The following MS4A15 variants were observed in gnomAD, a reference collection of about 807,000 sequenced individuals.
The protein encoded by MS4A15 is membrane-spanning 4-domains subfamily A member 15.
A neutral mutation model predicts 20.6 loss-of-function variants in MS4A15; 22 were observed. That is an observed-to-expected ratio of 1.07 (90% CI 0.76 to 1.52). The LOEUF (loss-of-function observed/expected upper bound fraction) is 1.52, where lower values mean the gene tolerates loss of function less well. Ranked by LOEUF, MS4A15 falls within the 40% of genes most tolerant of loss-of-function variation. MS4A15 has a pLI of 0.00. For missense variants in MS4A15, 312 were observed against 323.0 expected (o/e 0.97, Z 0.26); for synonymous variants, 129 against 129.3 (o/e 1.00, Z 0.02).
At chr11:60,767,722 G>T (rs1853921071) in intron 3 of MS4A15, 67 bp downstream of exon 3, 4 of 1,448,126 alleles carry the variant, frequency 2.8e-6, no homozygotes, top group Non-Finnish European at 3.6e-6. Context: ...TCCCCCACGC[G>T]CCCACCCCCA....
chr11:60,773,119 G>T (rs1481367392), intron 4 of MS4A15, among the ~76,000 whole-genome samples: 2 of 152,220 alleles, frequency 1.3e-5, no homozygotes, highest in African/African-American at 2.4e-5. Context: ...ACCCAGAAAG[G>T]CTGTAAAGGA....
In MS4A15 at chr11:60,767,603, A is replaced by T. The variant is rs568131810; in HGVS notation, c.296A>T (p.His99Leu). 19 of 1,558,212 alleles carry T rather than the reference A, an allele frequency of 1.2e-5. No individual in the cohort carries two copies. The South Asian group carries it at 2.3e-4, about 19-fold the overall frequency. ...GSVLLMVRRG[H>L]VGIFFIEGGV... ...GTGCTGCTCATGGTTCGCCGCGGCC[A>T]CGTGGGCATCTTCTTCATCGAGGGC... is the stretch of plus-strand genomic sequence containing the variant. The change falls in exon 3 of 7, where the codon CAC becomes CTC. Residue 99 changes from histidine to leucine, a missense_variant. Transcript: ENST00000405633.
chr11:60,768,591 A>C (rs1364991089), intron 3 of MS4A15, among the ~76,000 whole-genome samples: 2 of 152,176 alleles, frequency 1.3e-5, no homozygotes, highest in Non-Finnish European at 2.9e-5. Flanking sequence ...TCTCAGCTTC[A>C]CCGCATGTTA....
intron 4 of MS4A15, chr11:60,771,635 C>T (rs1035121513): frequency 4.1e-6 from 6 of 1,454,828 alleles, no homozygotes; most frequent in Middle Eastern, 1.8e-4. Context: ...CTGTAAGAGT[C>T]CTGCTGGGCC....
At position 60,763,830 on chromosome 11, in the gene MS4A15, A is replaced by G; in HGVS notation, c.97A>G (p.Met33Val). 6.2e-7 allele frequency: 1 copy of G among 1,612,646 alleles called. No individual in the cohort carries two copies. The highest frequency in any genetic ancestry group is 1.1e-5 in the South Asian group (1 of 91,008). Residue 33 changes from methionine to valine, a missense_variant, in exon 2 of 7, where the codon ATG becomes GTG. Physicochemically the swap from Met to Val is conservative, Grantham distance 21 (BLOSUM62 1). Coordinates refer to ENST00000405633, the MANE Select transcript of MS4A15 (RefSeq NM_001098835.2). ...CPPPAILPTS[M>V]CQPPGIMQFE... Reference sequence around the variant, plus strand: ...ACCTCCGGCCATTCTGCCCACATCCATGTGCCAACCTCCAGGGATTATGCA... The same window carrying G: ...ACCTCCGGCCATTCTGCCCACATCCGTGTGCCAACCTCCAGGGATTATGCA...
chr11:60,772,328 A>G (rs547664555), intron 4 of MS4A15, among the ~76,000 whole-genome samples: 35 of 152,214 alleles, frequency 2.3e-4, no homozygotes, highest in Non-Finnish European at 4.4e-4. Context: ...TTCAGCAGGG[A>G]ATTCCTTGCC....
intron 2 of MS4A15, among the ~76,000 whole-genome samples, chr11:60,764,670 G>A (rs1236373551): frequency 6.6e-6 from 1 of 152,216 alleles, no homozygotes. Context: ...CAGCACTTTG[G>A]GAGGCCGAGG....
At chr11:60,768,978 T>A (rs1480797960) in intron 3 of MS4A15, among the ~76,000 whole-genome samples, 1 of 152,150 alleles carries the variant, frequency 6.6e-6, no homozygotes, top group Non-Finnish European at 1.5e-5. Context: ...CACCTGGCCA[T>A]CCTTGGGGAC....
Position 60,771,308 on chromosome 11 carries a change from C to T in MS4A15, c.366C>T (p.Ser122=), listed in dbSNP as rs543971195. The T allele has an allele frequency of 6.2e-7, 1 of 1,614,114 alleles. No individual in the cohort carries two copies. Among genetic ancestry groups the T allele is most frequent in the East Asian group, 2.2e-5 (1 of 44,878 alleles). Residue 122 remains serine (S), a synonymous_variant, in exon 4 of 7, where the codon TCC becomes TCT. Coordinates refer to ENST00000405633, the MANE Select transcript of MS4A15 (RefSeq NM_001098835.2). ...CCATACAGTTCATCATCTCCGGATC[C>T]CTCTCAGTGGCAGCCGAGAAGAACC... ...WGGACFIISG[S]LSVAAEKNHT... is the part of the protein sequence containing the mutation.
intron 3 of MS4A15, among the ~76,000 whole-genome samples, chr11:60,769,950 C>T (rs1022930590): frequency 1.3e-5 from 2 of 152,268 alleles, no homozygotes; most frequent in Middle Eastern, 3.4e-3. Context: ...GCTGACCCTG[C>T]GGTCTCCCCA....
intron 4 of MS4A15, among the ~76,000 whole-genome samples, chr11:60,772,300 A>G (rs57343384): frequency 0.036 from 5,461 of 152,302 alleles, 144 homozygotes; most frequent in African/African-American, 0.075. Context: ...TTTAAGGACA[A>G]TGAGAGACCA....
At position 60,775,934 on chromosome 11, in the gene MS4A15, GGT is replaced by G. The variant is rs1854184290; in HGVS notation, c.*226_*227del. 3 of 443,910 alleles carry G rather than the reference GGT, an allele frequency of 6.8e-6. No individual in the cohort carries two copies. Among genetic ancestry groups the G allele is most frequent in the Non-Finnish European group, 1.2e-5 (3 of 246,108 alleles). The allele number at this position is 443,910 out of a possible 1,614,324, so 27.5% of individuals were successfully genotyped here. A position where few individuals can be genotyped will look rare whatever the true frequency, so the allele number is the denominator to read the frequency against. On this transcript the variant is annotated 3_prime_UTR_variant, in exon 7 of 7. Transcript: ENST00000405633. ...TAAAAGACACCGGGCTGACGTCAGG[GGT>G]GTGTGTCCTTCAGCTCCCTGAGCCC...
rs145365095 is a variant in MS4A15, at chr11:60,767,631, C to A, written c.324C>A (p.Gly108=). 4.3e-5 allele frequency: 67 copies of A among 1,555,146 alleles called. No individual in the cohort carries two copies. Among genetic ancestry groups the A allele is most frequent in the Non-Finnish European group, 5.4e-5 (62 of 1,148,950 alleles). The change falls in exon 3 of 7, where the codon GGC becomes GGA. Residue 108 remains glycine (G), a synonymous_variant. Coordinates refer to ENST00000405633, the MANE Select transcript of MS4A15 (RefSeq NM_001098835.2). ...TGGGCATCTTCTTCATCGAGGGCGGCGTCCCCTTCTGGGGAGGAGCCTGCG... is the reference window on the plus strand; with the variant it reads ...TGGGCATCTTCTTCATCGAGGGCGGAGTCCCCTTCTGGGGAGGAGCCTGCG... ...GHVGIFFIEG[G]VPFWGGACFI...
chr11:60,776,169 G>A lies in MS4A15; in HGVS notation c.*454G>A, dbSNP rs972503659. The A allele has an allele frequency of 6.5e-6, 1 of 153,938 alleles. No homozygotes were observed. The highest frequency in any genetic ancestry group is 2.4e-5 in the African/African-American group (1 of 41,528). 9.5% of individuals were successfully genotyped at this position (153,938 alleles called of 1,614,324 possible). The stretch of plus-strand genomic sequence containing the variant: ...ATACCAGGCCAAGGCCTCACAGCAG[G>A]GTAGTGGCCTGGCCGCAGGTCTCCT... On this transcript the variant is annotated 3_prime_UTR_variant, in exon 7 of 7. Transcript: ENST00000405633.
Position 60,763,954 on chromosome 11 carries a change from T to G in MS4A15, c.221T>G (p.Leu74Trp). 1.2e-6 allele frequency: 2 copies of G among 1,611,440 alleles called. No homozygotes were observed. Among genetic ancestry groups the G allele is most frequent in the Non-Finnish European group, 1.7e-6 (2 of 1,179,238 alleles). Residue 74 changes from leucine (L) to tryptophan (W), a missense_variant, in exon 2 of 7, where the codon TTG becomes TGG. Physicochemically the swap from Leu to Trp is moderately conservative, Grantham distance 61. Transcript: ENST00000405633. ...TTCCTGACAGGAGAGCCCAAAGTTTTGGGGGTAAGAACAGCCTCTCTGCAC... is the reference window on the plus strand; with the variant it reads ...TTCCTGACAGGAGAGCCCAAAGTTTGGGGGGTAAGAACAGCCTCTCTGCAC... ...ETFLTGEPKV[L>W]GTVQILIGLI... is the part of the protein sequence containing the mutation.
intron 3 of MS4A15, among the ~76,000 whole-genome samples, chr11:60,768,644 C>T (rs1034481705): frequency 6.6e-6 from 1 of 152,230 alleles, no homozygotes; most frequent in Non-Finnish European, 1.5e-5. Flanking sequence ...CGATACTCAA[C>T]TTCCTCATCT....
Position 60,776,630 on chromosome 11 carries a change from G to C in MS4A15, c.*915G>C, listed in dbSNP as rs1201553841. 6.6e-6 allele frequency: 1 copy of C among 152,258 alleles called. No individual in the cohort carries two copies. The highest frequency in any genetic ancestry group is 1.5e-5 in the Non-Finnish European group (1 of 68,074). The allele number at this position is 152,258 out of a possible 1,614,324, so 9.4% of individuals were successfully genotyped here. ...CAGGACCTGGGCTTCGTCTCCAGGGGACAAGGAGACACTGTCAGCCTGGTG... is the reference window on the plus strand; with the variant it reads ...CAGGACCTGGGCTTCGTCTCCAGGGCACAAGGAGACACTGTCAGCCTGGTG... On this transcript the variant is annotated 3_prime_UTR_variant, in exon 7 of 7. Transcript: ENST00000405633.
intron 3 of MS4A15, 107 bp downstream of exon 3, chr11:60,767,762 TGGGG>T: frequency 7.6e-7 from 1 of 1,324,310 alleles, no homozygotes; most frequent in Non-Finnish European, 9.8e-7. Context: ...CTCTCCTAGG[TGGGG>T]GCCTGGAGGC....
chr11:60,775,531 C>A, intron 6 of MS4A15, 74 bp from the exon 7 acceptor site: 1 of 1,227,192 alleles, frequency 8.1e-7, no homozygotes, highest in Non-Finnish European at 1.2e-6. Context: ...AGATTACCCA[C>A]AAGGGGGCAC....
Sources: allele counts gnomAD v4.1 joint callset (sites outside exome capture counted in the v4.1 genomes callset), GRCh38; gene constraint gnomAD v4.1.1; transcripts MANE v1.5; gene names NCBI Gene and HGNC (gene_info 2026-07-23, HGNC 2026-07-21).